Variants in CCDC93 observed in about 807,000 individuals in gnomAD.
CCDC93 encodes the protein coiled-coil domain-containing protein 93.
A neutral mutation model predicts 108.2 loss-of-function variants in CCDC93; 61 were observed. The ratio of observed to expected loss-of-function variants is 0.56; its 90% CI spans 0.46 to 0.70. The LOEUF is 0.70. Among genes scored for constraint, CCDC93 ranks in the 30% least tolerant of loss-of-function variants. CCDC93 has a pLI of 0.00. For missense variants in CCDC93, 685 were observed against 764.2 expected (o/e 0.90, Z 1.22); for synonymous variants, 276 against 260.4 (o/e 1.06, Z -0.58).
chr2:117,952,476 C>G (rs2104746723), intron 12 of CCDC93, 41 bp from the exon 13 acceptor site: 6 of 1,331,916 alleles, frequency 4.5e-6, no homozygotes, highest in Middle Eastern at 1.8e-4. Context: ...TCATTTGATC[C>G]TTATGACAAC....
chr2:118,014,019 C>A lies in CCDC93; in HGVS notation c.-24G>T, dbSNP rs747668916. On this transcript the variant is annotated 5_prime_UTR_variant, in exon 1 of 24. Transcript: ENST00000376300. Reference sequence around the variant, plus strand: ...ATGATCCGACCGGGCTGTCGTAAGGCGAGAGCGAAGCCCGCCAAGCGTCCG... The same window carrying A: ...ATGATCCGACCGGGCTGTCGTAAGGAGAGAGCGAAGCCCGCCAAGCGTCCG... The A allele has an allele frequency of 6.3e-7, 1 of 1,590,990 alleles. No individual in the cohort carries two copies. Among genetic ancestry groups the A allele is most frequent in the Non-Finnish European group, 8.5e-7 (1 of 1,170,206 alleles).
intron 11 of CCDC93, among the ~76,000 whole-genome samples, chr2:117,961,197 C>T (rs1375717652): frequency 6.6e-6 from 1 of 151,880 alleles, no homozygotes; most frequent in African/African-American, 2.4e-5. Flanking sequence ...TTACTAGACC[C>T]GTGATTCAGA....
At position 117,916,607 on chromosome 2, in the gene CCDC93, T is replaced by A. The variant is rs1221090770; in HGVS notation, c.*3736A>T. Reference sequence around the variant, plus strand: ...ACCTTGAGCTAGATGCTGGGGAGAGTGTGGTAAGACAAGCCCTTACTTTTG... The same window carrying A: ...ACCTTGAGCTAGATGCTGGGGAGAGAGTGGTAAGACAAGCCCTTACTTTTG... On this transcript the variant is annotated 3_prime_UTR_variant, in exon 24 of 24. Coordinates refer to ENST00000376300, the MANE Select transcript of CCDC93 (RefSeq NM_019044.5). The A allele has an allele frequency of 6.6e-6, 1 of 151,962 alleles. No homozygotes were observed. The highest frequency in any genetic ancestry group is 2.4e-5 in the African/African-American group (1 of 41,336). The allele number at this position is 151,962 out of a possible 1,614,324, so 9.4% of individuals were successfully genotyped here. A position where few individuals can be genotyped will look rare whatever the true frequency, so the allele number is the denominator to read the frequency against.
intron 6 of CCDC93, among the ~76,000 whole-genome samples, chr2:117,992,122 C>A (rs1680492048): frequency 6.6e-6 from 1 of 152,184 alleles, no homozygotes; most frequent in Non-Finnish European, 1.5e-5. Context: ...CATGAAGATT[C>A]TTTATCATTC....
chr2:117,990,180 C>T (rs1680434963), intron 6 of CCDC93, among the ~76,000 whole-genome samples: 1 of 152,192 alleles, frequency 6.6e-6, no homozygotes, highest in African/African-American at 2.4e-5. Flanking sequence ...GGAGGGCTGA[C>T]ATCTCAGAGG....
chr2:118,010,713 T>C (rs79579319), intron 1 of CCDC93, among the ~76,000 whole-genome samples: 14,527 of 152,230 alleles, frequency 0.095, 694 homozygotes, highest in South Asian at 0.15. Context: ...TAAGATAAAC[T>C]CCAGATGTCT....
intron 7 of CCDC93, chr2:117,985,420 G>T: frequency 1.0e-6 from 1 of 964,164 alleles, no homozygotes; most frequent in Non-Finnish European, 1.2e-6. Flanking sequence ...AGAAGAGAAT[G>T]CGTGACATAA....
intron 22 of CCDC93, among the ~76,000 whole-genome samples, chr2:117,933,466 G>A (rs1281497731): frequency 6.6e-6 from 1 of 152,172 alleles, no homozygotes; most frequent in Non-Finnish European, 1.5e-5. Context: ...CAGTATTCCA[G>A]AGATCCAGAG....
chr2:117,979,314 C>T (rs1362168812), intron 7 of CCDC93, among the ~76,000 whole-genome samples: 1 of 152,166 alleles, frequency 6.6e-6, no homozygotes, highest in East Asian at 1.9e-4. Flanking sequence ...GAACAGAGAG[C>T]TCTGCACAAA....
chr2:117,921,753 C>T lies in CCDC93; in HGVS notation c.1843-1357G>A, dbSNP rs201339128. The T allele has an allele frequency of 2.8e-4, 42 of 152,182 alleles. No homozygotes were observed. The East Asian group carries it at 7.9e-3, about 29-fold the overall frequency. 9.4% of individuals were successfully genotyped at this position (152,182 alleles called of 1,614,324 possible). On this transcript the variant is annotated intron_variant, in intron 23 of 23. Transcript: ENST00000376300. The stretch of plus-strand genomic sequence containing the variant: ...CATGACCACAACGACCTTGGTTTTG[C>T]TAAGACTAGTGCTGGCTCATCTACA...
intron 4 of CCDC93, chr2:117,997,410 TG>T (rs1414163130): frequency 6.6e-6 from 1 of 152,232 alleles, no homozygotes; most frequent in African/African-American, 2.4e-5. Flanking sequence ...AGAAAGCTAC[TG>T]CATCTCAAAA....
rs779713937 is a variant in CCDC93 at position 117,996,346 on chromosome 2, G to C, written c.380C>G (p.Ala127Gly). The C allele has an allele frequency of 6.2e-7, 1 of 1,612,970 alleles. No individual in the cohort carries two copies. Among genetic ancestry groups the C allele is most frequent in the Non-Finnish European group, 8.5e-7 (1 of 1,179,050 alleles). The change falls in exon 5 of 24, where the codon GCT (alanine) becomes GGT (glycine). Residue 127 changes from alanine to glycine, a missense_variant. By Grantham distance (60) the Ala-to-Gly change is moderately conservative (BLOSUM62 0). Coordinates refer to ENST00000376300, the MANE Select transcript of CCDC93 (RefSeq NM_019044.5). Reference sequence around the variant, plus strand: ...ACCCATCTCTTCTTTTGTTTCTATAGCTCGTTTCACCAGCCACTGGGGAAG... The same window carrying C: ...ACCCATCTCTTCTTTTGTTTCTATACCTCGTTTCACCAGCCACTGGGGAAG... Reference protein sequence around the residue: ...FPVVQWLVKRAIETKEEMGDY... With the variant: ...FPVVQWLVKRGIETKEEMGDY...
Position 117,917,351 on chromosome 2 carries a change from C to T in CCDC93, c.*2992G>A, listed in dbSNP as rs533721084. 2 of 152,862 alleles carry T rather than the reference C, an allele frequency of 1.3e-5. No homozygotes were observed. Among genetic ancestry groups the T allele is most frequent in the African/African-American group, 4.8e-5 (2 of 41,570 alleles). The allele number at this position is 152,862 out of a possible 1,614,324, so 9.5% of individuals were successfully genotyped here. On this transcript the variant is annotated 3_prime_UTR_variant, in exon 24 of 24. Coordinates refer to ENST00000376300, the MANE Select transcript of CCDC93 (RefSeq NM_019044.5). ...GGCACTTTGTGAGGTAGTAAAAGGA[C>T]TGTCTGAAGGTCTTCTCCAGCCTCT...
At chr2:117,998,963 G>A (rs1404611404) in intron 4 of CCDC93, 2 of 152,088 alleles carry the variant, frequency 1.3e-5, no homozygotes, top group African/African-American at 2.4e-5. Context: ...CATGGAATTC[G>A]GCTTTGAAGT....
chr2:117,975,016 T>A, intron 9 of CCDC93, 116 bp from the exon 10 acceptor site: 1 of 1,074,138 alleles, frequency 9.3e-7, no homozygotes, highest in South Asian at 1.3e-5. Context: ...TGATCTCGTC[T>A]TATGTGAGCC....
chr2:117,976,785 C>T (rs1357978957), intron 8 of CCDC93, among the ~76,000 whole-genome samples: 3 of 152,050 alleles, frequency 2.0e-5, no homozygotes, highest in East Asian at 1.9e-4. Context: ...GTGCCTGCAG[C>T]GACTGAGACA....
chr2:117,990,587 A>G (rs1680446610), intron 6 of CCDC93, among the ~76,000 whole-genome samples: 1 of 152,158 alleles, frequency 6.6e-6, no homozygotes, highest in African/African-American at 2.4e-5. Context: ...TAGAAATAAA[A>G]GAATAAATTT....
At chr2:117,948,312 T>C in intron 14 of CCDC93, 126 bp from the exon 15 acceptor site, 1 of 635,102 alleles carries the variant, frequency 1.6e-6, no homozygotes. Context: ...TCTAAGAGTG[T>C]CTCACAGATT....
chr2:117,949,436 A>G (rs1678980225), intron 13 of CCDC93, 41 bp from the exon 14 acceptor site: 1 of 1,416,528 alleles, frequency 7.1e-7, no homozygotes, highest in Admixed American at 1.7e-5. Flanking sequence ...GAGCCTTGGT[A>G]GCAGAGGTGA....
Sources: gnomAD v4.1 joint callset for allele counts (sites outside exome capture counted in the v4.1 genomes callset) on GRCh38, gnomAD v4.1.1 for gene constraint, MANE v1.5 for transcripts, NCBI Gene and HGNC (gene_info 2026-07-23, HGNC 2026-07-21) for gene names.